The following NARS2 variants were observed in gnomAD, a reference collection of about 807,000 sequenced individuals.
NARS2 encodes the protein asparaginyl-tRNA synthetase.
Under a neutral mutation model 62.9 loss-of-function variants are expected in NARS2, and 60 were observed. That is an observed-to-expected ratio of 0.95 (90% CI 0.77 to 1.18). The LOEUF (loss-of-function observed/expected upper bound fraction) is 1.18. NARS2 is among the 50% of genes most tolerant of loss of function. NARS2 has a pLI of 0.00. For synonymous variants in NARS2, 196 were observed against 200.0 expected, an observed-to-expected ratio of 0.98 and a Z score of 0.17; for missense variants, 619 against 576.4, an observed-to-expected ratio of 1.07 and a Z score of -0.76.
intron 2 of NARS2, among the ~76,000 whole-genome samples, 182 bp downstream of exon 2, chr11:78,571,153 G>A (rs1230571379): frequency 6.6e-6 from 1 of 152,106 alleles, no homozygotes; most frequent in Non-Finnish European, 1.5e-5. Flanking sequence ...AAATAGAGGA[G>A]GAAAGGCCTG....
At chr11:78,491,653 A>C (rs7396701) in intron 7 of NARS2, among the ~76,000 whole-genome samples, 97,248 of 152,022 alleles carry the variant, frequency 0.64, 34,705 homozygotes, top group Non-Finnish European at 0.81. Context: ...TTCACAGAAG[A>C]AGCTAAGGCC....
intron 5 of NARS2, among the ~76,000 whole-genome samples, chr11:78,547,097 A>G (rs1359307524): frequency 2.6e-5 from 4 of 152,140 alleles, no homozygotes; most frequent in African/African-American, 4.8e-5. Flanking sequence ...TTGGGAGGCC[A>G]TGGGGGGAGG....
intron 5 of NARS2, among the ~76,000 whole-genome samples, chr11:78,544,018 CAAAAAAAAA>C (rs10688131): frequency 1.4e-5 from 1 of 73,918 alleles, no homozygotes. Context: ...GACTCTGTCT[CAAAAAAAAA>C]AAAAAAAAAA....
chr11:78,571,474 C>A (rs117533891), intron 1 of NARS2, 30 bp from the exon 2 acceptor site: 9 of 1,505,404 alleles, frequency 6.0e-6, no homozygotes, highest in Non-Finnish European at 8.3e-6. Context: ...CCAATGTGAG[C>A]GTAAAACATT....
chr11:78,562,613 C>T (rs778471858), intron 4 of NARS2, among the ~76,000 whole-genome samples: 31 of 152,136 alleles, frequency 2.0e-4, no homozygotes, highest in Non-Finnish European at 3.8e-4. Flanking sequence ...TTTAGGAACA[C>T]TTCCACTGGA....
At chr11:78,554,902 T>C (rs1399806075) in intron 5 of NARS2, among the ~76,000 whole-genome samples, 2 of 152,248 alleles carry the variant, frequency 1.3e-5, no homozygotes, top group African/African-American at 2.4e-5. Flanking sequence ...GGCTGTGGGT[T>C]TGTCATAGAT....
rs1856715453 is a variant in NARS2 at position 78,565,586 on chromosome 11, T to C, written c.513+546A>G. On this transcript the variant is annotated intron_variant, in intron 4 of 13. Coordinates refer to ENST00000281038, the MANE Select transcript of NARS2 (RefSeq NM_024678.6). ...GAGAGACCCAAGTGGCTAGAGTTCA[T>C]ACGCTAGAATATCAGAGAGAGAGCT... Among the ~76,000 whole-genome samples, 4 of 152,264 alleles carry C rather than the reference T, an allele frequency of 2.6e-5. No individual in the cohort carries two copies. The South Asian group carries it at 8.3e-4, about 32-fold the overall frequency.
At chr11:78,502,855 G>A (rs550761318) in intron 6 of NARS2, among the ~76,000 whole-genome samples, 3 of 151,910 alleles carry the variant, frequency 2.0e-5, no homozygotes, top group South Asian at 2.1e-4. Context: ...TTAGCCAGGC[G>A]TGGTGGCATG....
In NARS2 at chr11:78,544,249, C is replaced by A. The variant is rs148118414; in HGVS notation, c.594+15290G>T. Among the ~76,000 whole-genome samples the A allele has an allele frequency of 5.1e-3, 769 of 152,242 alleles. 4 individuals are homozygous for A. Among genetic ancestry groups the A allele is most frequent in the African/African-American group, 0.018 (746 of 41,552 alleles). On this transcript the variant is annotated intron_variant, in intron 5 of 13. Transcript: ENST00000281038. ...TTATTACTCCTTTGCTTATAACTCTCCAAAGACTCACAGCCAATATTCTTA... is the reference window on the plus strand; with the variant it reads ...TTATTACTCCTTTGCTTATAACTCTACAAAGACTCACAGCCAATATTCTTA...
At chr11:78,522,211 G>A (rs1183334798) in intron 6 of NARS2, among the ~76,000 whole-genome samples, 1 of 150,016 alleles carries the variant, frequency 6.7e-6, no homozygotes, top group Non-Finnish European at 1.5e-5. Flanking sequence ...TTCCACCTCA[G>A]CCTCCCAAAG....
intron 5 of NARS2, among the ~76,000 whole-genome samples, chr11:78,537,747 G>A (rs564927926): frequency 3.9e-5 from 6 of 152,212 alleles, no homozygotes; most frequent in Non-Finnish European, 5.9e-5. Flanking sequence ...GCAGCAAGCC[G>A]TGATTGCACC....
At chr11:78,459,134 C>T (rs915871464) in intron 11 of NARS2, among the ~76,000 whole-genome samples, 19 of 150,700 alleles carry the variant, frequency 1.3e-4, no homozygotes, top group African/African-American at 3.7e-4. Context: ...AGGCTGGTCT[C>T]GAACTCCTGA....
At chr11:78,555,650 T>C (rs1856324219) in intron 5 of NARS2, among the ~76,000 whole-genome samples, 1 of 152,194 alleles carries the variant, frequency 6.6e-6, no homozygotes, top group African/African-American at 2.4e-5. Context: ...TTGCTGATAT[T>C]TTGAATGTTT....
intron 6 of NARS2, among the ~76,000 whole-genome samples, chr11:78,525,645 G>A (rs1328709569): frequency 6.6e-6 from 1 of 152,042 alleles, no homozygotes; most frequent in Non-Finnish European, 1.5e-5. Flanking sequence ...TCTCCCTCCT[G>A]CGGGTAGTTC....
At chr11:78,554,697 T>C (rs578223073) in intron 5 of NARS2, among the ~76,000 whole-genome samples, 69 of 152,218 alleles carry the variant, frequency 4.5e-4, no homozygotes, top group Admixed American at 1.5e-3. Flanking sequence ...TCTCTAGATA[T>C]AGAATCATGT....
chr11:78,474,465 C>T (rs990380799), intron 9 of NARS2, among the ~76,000 whole-genome samples: 4 of 152,152 alleles, frequency 2.6e-5, no homozygotes, highest in African/African-American at 9.7e-5. Flanking sequence ...ATAATTTACT[C>T]ATTAATGGCT....
chr11:78,437,986 AAAG>A (rs1489774687), intron 13 of NARS2, among the ~76,000 whole-genome samples: 101 of 140,234 alleles, frequency 7.2e-4, no homozygotes, highest in Admixed American at 1.6e-3. Context: ...AAAAAAAAAA[AAAG>A]AAAGAAAAAA....
chr11:78,541,572 T>C (rs540127283), intron 5 of NARS2, among the ~76,000 whole-genome samples: 1 of 152,152 alleles, frequency 6.6e-6, no homozygotes, highest in Non-Finnish European at 1.5e-5. Flanking sequence ...AAGCCAGGTG[T>C]AGTGGAGGGT....
At chr11:78,468,550 G>A (rs910255318) in intron 10 of NARS2, among the ~76,000 whole-genome samples, 3 of 150,942 alleles carry the variant, frequency 2.0e-5, no homozygotes, top group East Asian at 3.9e-4. Context: ...GACTACAGGC[G>A]CCCGCCACCT....
Sources: gnomAD v4.1 joint callset for allele counts (sites outside exome capture counted in the v4.1 genomes callset) on GRCh38, gnomAD v4.1.1 for gene constraint, MANE v1.5 for transcripts, NCBI Gene and HGNC (gene_info 2026-07-23, HGNC 2026-07-21) for gene names.